The following CRISP2 variants were observed in gnomAD, a reference collection of about 807,000 sequenced individuals.
CRISP2 encodes cysteine rich secretory protein 2, also known as cysteine-rich secretory protein 2.
Under a neutral mutation model 31.7 loss-of-function variants are expected in CRISP2, and 29 were observed. The observed-to-expected ratio is 0.92, with a 90% CI of 0.68 to 1.25. The LOEUF (loss-of-function observed/expected upper bound fraction) is 1.25. Among genes scored for constraint, CRISP2 ranks in the 50% most tolerant of loss-of-function variants. CRISP2 has a pLI of 0.00. For missense variants in CRISP2, 318 were observed against 286.5 expected (o/e 1.11, Z -0.79); for synonymous variants, 111 against 101.4 (o/e 1.09, Z -0.57).
Position 49,692,778 on chromosome 6 carries a change from A to G in CRISP2, c.727T>C (p.Tyr243His). Residue 243 changes from tyrosine to histidine, a missense_variant, in exon 10 of 10, where the codon TAC becomes CAC. Physicochemically the swap from Tyr to His is moderately conservative, Grantham distance 83. Coordinates refer to ENST00000339139, the MANE Select transcript of CRISP2 (RefSeq NM_003296.4). ...CACAATGCTCACTAGGTAAATCAGT[A>G]AATTTTGTTCTCACATAGGCAAGTA... is the stretch of plus-strand genomic sequence containing the variant. ...KATCLCENKIY is the reference protein window; with the variant it reads ...KATCLCENKIH The G allele has an allele frequency of 5.0e-6, 8 of 1,613,030 alleles. No individual in the cohort carries two copies. The highest frequency in any genetic ancestry group is 6.8e-6 in the Non-Finnish European group (8 of 1,179,174).
chr6:49,707,719 G>A (rs1315015822), intron 4 of CRISP2, among the ~76,000 whole-genome samples: 1 of 152,220 alleles, frequency 6.6e-6, no homozygotes, highest in Admixed American at 6.5e-5. Context: ...GAGTCCTCCA[G>A]TCTGAAAAGT....
At chr6:49,706,378 T>G (rs539125025) in intron 4 of CRISP2, among the ~76,000 whole-genome samples, 2 of 152,170 alleles carry the variant, frequency 1.3e-5, no homozygotes, top group Admixed American at 6.5e-5. Context: ...TTTGTAAAAC[T>G]AAAAAAAATT....
At chr6:49,694,836 C>T (rs34029456) in intron 9 of CRISP2, among the ~76,000 whole-genome samples, 31 of 150,752 alleles carry the variant, frequency 2.1e-4, no homozygotes, top group African/African-American at 5.8e-4. Flanking sequence ...TGGGTTCAAG[C>T]GATTCTCCTG....
At chr6:49,700,480 T>C (rs780936733) in intron 5 of CRISP2, among the ~76,000 whole-genome samples, 188 bp downstream of exon 5, 1 of 152,200 alleles carries the variant, frequency 6.6e-6, no homozygotes, top group Non-Finnish European at 1.5e-5. Context: ...CTCTGTATAA[T>C]TGAGTTTTTT....
At chr6:49,682,627 C>CT in the CRISP2 span, among the ~76,000 whole-genome samples, 11 of 76,610 alleles carry the variant, frequency 1.4e-4, no homozygotes, top group Non-Finnish European at 2.3e-4. Context: ...TTCTTTCTTT[C>CT]TTTCTTTCTT....
chr6:49,702,153 A>G (rs1351434823), intron 4 of CRISP2, among the ~76,000 whole-genome samples: 3 of 51,708 alleles, frequency 5.8e-5, no homozygotes, highest in African/African-American at 2.9e-4. Flanking sequence ...ATATATATAT[A>G]TATATATATA....
At chr6:49,684,484 G>A in the CRISP2 span, among the ~76,000 whole-genome samples, 1 of 152,138 alleles carries the variant, frequency 6.6e-6, no homozygotes, top group East Asian at 1.9e-4. Flanking sequence ...CAGATATGGA[G>A]GACCGACTAT....
chr6:49,678,963 A>G, the CRISP2 span, among the ~76,000 whole-genome samples: 3 of 152,158 alleles, frequency 2.0e-5, no homozygotes, highest in African/African-American at 7.2e-5. Flanking sequence ...GGACAATTTT[A>G]ATACACTTTG....
At position 49,701,906 on chromosome 6, in the gene CRISP2, GTATTATATATTA is replaced by G. The variant is rs1383354245; in HGVS notation, c.67-1134_67-1123del. On this transcript the variant is annotated intron_variant, in intron 4 of 9. Coordinates refer to ENST00000339139, the MANE Select transcript of CRISP2 (RefSeq NM_003296.4). The stretch of plus-strand genomic sequence containing the variant: ...TATATTATATATTATTATATATTAT[GTATTATATATTA>G]TATTATATATAATATATAATATATG... Among the ~76,000 whole-genome samples the G allele has an allele frequency of 5.2e-4, 13 of 24,822 alleles. No individual in the cohort carries two copies. In the East Asian group the frequency reaches 0.019, roughly 36 times the overall value. The allele number at this position is 24,822 out of a possible 152,430, so 16.3% of individuals were successfully genotyped here.
chr6:49,690,425 T>A (rs1166426166), downstream of CRISP2, among the ~76,000 whole-genome samples: 1 of 152,016 alleles, frequency 6.6e-6, no homozygotes, highest in Non-Finnish European at 1.5e-5. Flanking sequence ...CTGACCAGAT[T>A]AAGTAAGAAA....
chr6:49,707,390 A>G (rs991907075), intron 4 of CRISP2, among the ~76,000 whole-genome samples: 15 of 152,216 alleles, frequency 9.9e-5, no homozygotes, highest in African/African-American at 3.4e-4. Flanking sequence ...TTTTCTAGGC[A>G]TCTTGAAAAC....
intron 3 of CRISP2, among the ~76,000 whole-genome samples, chr6:49,709,666 A>T (rs1184306364): frequency 1.3e-5 from 2 of 152,190 alleles, no homozygotes; most frequent in Non-Finnish European, 2.9e-5. Context: ...ACCAGACTCT[A>T]ATTAAGATGA....
chr6:49,681,269 G>GT, the CRISP2 span, among the ~76,000 whole-genome samples: 2 of 152,212 alleles, frequency 1.3e-5, no homozygotes, highest in African/African-American at 2.4e-5. Context: ...CCCATTGCTT[G>GT]TTTTTGTCAG....
rs1037907714 is a variant in CRISP2, at chr6:49,703,251, C to T, written c.67-2467G>A. ...TAGTATAGTTTAAAGTGGGGTTATGCGATGCTTCCAGACTTGTTCTTTTTG... is the reference window on the plus strand; with the variant it reads ...TAGTATAGTTTAAAGTGGGGTTATGTGATGCTTCCAGACTTGTTCTTTTTG... On this transcript the variant is annotated intron_variant, in intron 4 of 9. Coordinates refer to ENST00000339139, the MANE Select transcript of CRISP2 (RefSeq NM_003296.4). Among the ~76,000 whole-genome samples the T allele has an allele frequency of 8.6e-5, 13 of 151,708 alleles. No homozygotes were observed. The East Asian group carries it at 1.7e-3, about 20-fold the overall frequency.
intron 7 of CRISP2, 26 bp downstream of exon 7, chr6:49,698,336 T>C: frequency 2.5e-6 from 4 of 1,610,882 alleles, no homozygotes; most frequent in Admixed American, 1.7e-5. Flanking sequence ...ATCTGTGACA[T>C]AGGTATTTTC....
chr6:49,682,909 A>G, the CRISP2 span, among the ~76,000 whole-genome samples: 7 of 151,294 alleles, frequency 4.6e-5, no homozygotes, highest in African/African-American at 1.7e-4. Flanking sequence ...CTGTAATCTC[A>G]GCACTTTGTG....
intron 4 of CRISP2, among the ~76,000 whole-genome samples, chr6:49,701,822 A>C (rs1765925857): frequency 1.0e-5 from 1 of 100,264 alleles, no homozygotes. Context: ...TACATATATA[A>C]TGTATACATT....
intron 4 of CRISP2, among the ~76,000 whole-genome samples, chr6:49,702,012 A>G (rs1766057234): frequency 1.0e-5 from 1 of 100,378 alleles, no homozygotes. Context: ...TATACATATT[A>G]ATGTATACAT....
At chr6:49,682,615 CTT>C in the CRISP2 span, among the ~76,000 whole-genome samples, 2 of 67,924 alleles carry the variant, frequency 2.9e-5, no homozygotes, top group African/African-American at 1.9e-4. Context: ...TTCTTTCTTT[CTT>C]TCTTTCTTTC....
Sources: gnomAD v4.1 joint callset for allele counts (sites outside exome capture counted in the v4.1 genomes callset) on GRCh38, gnomAD v4.1.1 for gene constraint, MANE v1.5 for transcripts, NCBI Gene and HGNC (gene_info 2026-07-23, HGNC 2026-07-21) for gene names.